PIKFYVE: variants seen among roughly 807,000 people sequenced by gnomAD.
The protein encoded by PIKFYVE is 1-phosphatidylinositol 3-phosphate 5-kinase.
PIKFYVE carries 122 observed loss-of-function variants against 257.9 expected under a neutral mutation model. That is an observed-to-expected ratio of 0.47 (90% CI 0.41 to 0.55). The LOEUF (loss-of-function observed/expected upper bound fraction) is 0.55. Ranked by LOEUF, PIKFYVE falls within the 20% of genes least tolerant of loss-of-function variation. The pLI is 0.00. For synonymous variants in PIKFYVE, 892 were observed against 868.9 expected (o/e 1.03, Z -0.47); for missense variants, 2,160 against 2,536.6 (o/e 0.85, Z 3.19).
At chr2:208,298,896 G>A (rs1217120759) in intron 8 of PIKFYVE, 117 bp downstream of exon 8, 4 of 1,341,054 alleles carry the variant, frequency 3.0e-6, no homozygotes, top group East Asian at 2.5e-5. Flanking sequence ...AGGCTGGGGT[G>A]CAGTGGTGTG....
chr2:208,324,266 T>A lies in PIKFYVE; in HGVS notation c.2315T>A (p.Val772Asp). Residue 772 changes from valine to aspartate, a missense_variant, in exon 18 of 42, where the codon GTC (valine) becomes GAC (aspartate). Val to Asp is a radical substitution (Grantham distance 152). Around this residue, in one of 12 missense-constraint regions of PIKFYVE, gnomAD observed 346 missense variants for 365.6 expected, o/e 0.95. Transcript: ENST00000264380. ...TTATTGGAACATGGCATTACTTTGG[T>A]CATTAATGTAAAGTCAGTGAGTGTT... ...DMLLEHGITL[V>D]INVKSQVLER... 1 of 1,614,014 alleles carries A rather than the reference T, an allele frequency of 6.2e-7. No homozygotes were observed. The highest frequency in any genetic ancestry group is 8.5e-7 in the Non-Finnish European group (1 of 1,179,896).
chr2:208,288,633 GA>G, intron 6 of PIKFYVE, 95 bp from the exon 7 acceptor site: 5 of 1,538,714 alleles, frequency 3.2e-6, no homozygotes, highest in Non-Finnish European at 4.4e-6. Context: ...TTATTGCAAG[GA>G]AAAAGATTAA....
At chr2:208,351,575 A>G (rs551323249) in intron 38 of PIKFYVE, 120 bp downstream of exon 38, 43 of 898,642 alleles carry the variant, frequency 4.8e-5, no homozygotes, top group Non-Finnish European at 7.0e-5. Context: ...GGTAATTTGT[A>G]AAGAAAAGAG....
chr2:208,280,764 T>A (rs1690701533), intron 5 of PIKFYVE, among the ~76,000 whole-genome samples: 1 of 152,206 alleles, frequency 6.6e-6, no homozygotes, highest in Non-Finnish European at 1.5e-5. Context: ...CTACTTGATA[T>A]GGAGTTGTTT....
intron 28 of PIKFYVE, among the ~76,000 whole-genome samples, chr2:208,338,022 T>C (rs1056192754): frequency 1.3e-5 from 2 of 152,094 alleles, no homozygotes; most frequent in Non-Finnish European, 2.9e-5. Context: ...CACACCTGGC[T>C]CATTTTTATT....
At chr2:208,299,667 A>T (rs1693443264) in intron 8 of PIKFYVE, among the ~76,000 whole-genome samples, 1 of 152,212 alleles carries the variant, frequency 6.6e-6, no homozygotes, top group South Asian at 2.1e-4. Flanking sequence ...CTTAGATCCC[A>T]TATTGCTATT....
chr2:208,314,240 A>T, intron 13 of PIKFYVE, 54 bp from the exon 14 acceptor site: 1 of 1,569,614 alleles, frequency 6.4e-7, no homozygotes, highest in East Asian at 2.3e-5. Flanking sequence ...ATATGAGTAG[A>T]TGGTATAAAA....
At chr2:208,315,927 G>A (rs6709286) in intron 15 of PIKFYVE, among the ~76,000 whole-genome samples, 139,306 of 149,734 alleles carry the variant, frequency 0.93, 65,327 homozygotes, top group Non-Finnish European at 0.98. Context: ...CACAATGTGC[G>A]GGTTAGTTAC....
intron 20 of PIKFYVE, among the ~76,000 whole-genome samples, chr2:208,326,851 T>C (rs1696984501): frequency 6.6e-6 from 1 of 152,212 alleles, no homozygotes; most frequent in African/African-American, 2.4e-5. Context: ...CAAAAAAAGT[T>C]AGCTCTTTTT....
chr2:208,346,236 A>C (rs1412177426), intron 34 of PIKFYVE, 89 bp downstream of exon 34: 4 of 1,052,802 alleles, frequency 3.8e-6, no homozygotes, highest in Non-Finnish European at 5.8e-6. Flanking sequence ...AATAAGTACT[A>C]TCTGGCAATG....
chr2:208,328,155 C>T, intron 20 of PIKFYVE, 25 bp from the exon 21 acceptor site: 2 of 1,613,180 alleles, frequency 1.2e-6, no homozygotes, highest in Admixed American at 1.7e-5. Flanking sequence ...GTCACTTGCT[C>T]ATCCATTCAT....
chr2:208,327,608 G>A (rs1697078758), intron 20 of PIKFYVE, among the ~76,000 whole-genome samples: 2 of 152,200 alleles, frequency 1.3e-5, no homozygotes, highest in Non-Finnish European at 2.9e-5. Flanking sequence ...GGACAGGTAT[G>A]TAAACTAGCA....
rs775141298 is a variant in PIKFYVE at position 208,358,458 on chromosome 2, TAGC to T, written c.*3156_*3158del. 7 of 152,414 alleles carry T rather than the reference TAGC, an allele frequency of 4.6e-5. No individual in the cohort carries two copies. The highest frequency in any genetic ancestry group is 8.8e-5 in the Non-Finnish European group (6 of 67,988). The allele number at this position is 152,414 out of a possible 1,614,324, so 9.4% of individuals were successfully genotyped here. A position where few individuals can be genotyped will look rare whatever the true frequency, so the allele number is the denominator to read the frequency against. On this transcript the variant is annotated 3_prime_UTR_variant, in exon 42 of 42. Coordinates refer to ENST00000264380, the MANE Select transcript of PIKFYVE (RefSeq NM_015040.4). ...TAGAAAAAATAAAAACTACAATCAT[TAGC>T]AGTTTTAATACTGCTGTGTCAGTTT...
intron 12 of PIKFYVE, among the ~76,000 whole-genome samples, chr2:208,308,268 G>T (rs1694567345): frequency 6.6e-6 from 1 of 152,012 alleles, no homozygotes; most frequent in South Asian, 2.1e-4. Context: ...GGGTGTGGTG[G>T]TGTGCGCCTG....
chr2:208,337,697 TC>T (rs902315306), intron 28 of PIKFYVE, among the ~76,000 whole-genome samples: 1 of 152,198 alleles, frequency 6.6e-6, no homozygotes, highest in African/African-American at 2.4e-5. Context: ...CTCCTGATAG[TC>T]CAAGACCTTT....
intron 7 of PIKFYVE, among the ~76,000 whole-genome samples, chr2:208,298,234 C>T (rs1693227196): frequency 6.6e-6 from 1 of 151,930 alleles, no homozygotes; most frequent in South Asian, 2.1e-4. Context: ...TAATTTCATT[C>T]TTTATATTTG....
In PIKFYVE at chr2:208,346,120, C is replaced by A. The variant is rs202228781; in HGVS notation, c.5182C>A (p.Arg1728Ser). 6.2e-7 allele frequency: 1 copy of A among 1,612,162 alleles called. No homozygotes were observed. The highest frequency in any genetic ancestry group is 8.5e-7 in the Non-Finnish European group (1 of 1,178,744). ...LPEMSGGQTNRTTETEPQPTK... is the reference protein window; with the variant it reads ...LPEMSGGQTNSTTETEPQPTK... ...TGAAATGAGTGGAGGACAGACAAATCGTACAACAGAAACAGAACCACAACC... is the reference window on the plus strand; with the variant it reads ...TGAAATGAGTGGAGGACAGACAAATAGTACAACAGAAACAGAACCACAACC... The change falls in exon 34 of 42, where the codon CGT (arginine) becomes AGT (serine). Residue 1728 changes from arginine (R) to serine (S), a missense_variant. By Grantham distance (110) the Arg-to-Ser change is moderately radical (BLOSUM62 -1). This residue lies in a region of PIKFYVE where 699 missense variants were observed against 855.8 expected (regional missense o/e 0.82). Coordinates refer to ENST00000264380, the MANE Select transcript of PIKFYVE (RefSeq NM_015040.4).
At chr2:208,315,416 G>C (rs1469796531) in intron 15 of PIKFYVE, 43 bp downstream of exon 15, 13 of 1,603,678 alleles carry the variant, frequency 8.1e-6, no homozygotes, top group African/African-American at 1.3e-5. Flanking sequence ...AACTGATGAG[G>C]CAGGACTGAT....
At chr2:208,339,690 T>G in intron 30 of PIKFYVE, 135 bp downstream of exon 30, 3 of 1,234,784 alleles carry the variant, frequency 2.4e-6, no homozygotes, top group Non-Finnish European at 3.5e-6. Context: ...CCTTGCTTTC[T>G]GTTTAGGTGG....
Sources: gnomAD v4.1 joint callset for allele counts (sites outside exome capture counted in the v4.1 genomes callset) on GRCh38, gnomAD v4.1.1 for gene constraint, gnomAD v4.1.1 regional missense constraint, MANE v1.5 for transcripts, NCBI Gene and HGNC (gene_info 2026-07-23, HGNC 2026-07-21) for gene names.